Variants in ANKRD11 observed in about 807,000 individuals in gnomAD.
ANKRD11 encodes ankyrin repeat domain 11.
Under a neutral mutation model 195.7 loss-of-function variants are expected in ANKRD11, and 17 were observed. That is an observed-to-expected ratio of 0.09 (90% confidence interval 0.06 to 0.13). The LOEUF is 0.13. ANKRD11 is among the 10% of genes least tolerant of loss of function. The probability of loss-of-function intolerance (pLI) is 1.00; values close to 1 mark genes in which losing one functional copy is unlikely to be tolerated. For missense variants in ANKRD11, 3,735 were observed against 3,566.1 expected (o/e 1.05, Z -1.21); for synonymous variants, 1,953 against 1,528.1 (o/e 1.28, Z -6.49).
intron 1 of ANKRD11, among the ~76,000 whole-genome samples, chr16:89,484,663 T>TA (rs898784643): frequency 6.6e-6 from 1 of 152,220 alleles, no homozygotes; most frequent in Non-Finnish European, 1.5e-5. Context: ...TCTGATATCA[T>TA]AAAGTTATTA....
At chr16:89,372,451 C>T (rs1480787158) in intron 2 of ANKRD11, among the ~76,000 whole-genome samples, 13 of 152,124 alleles carry the variant, frequency 8.5e-5, no homozygotes, top group African/African-American at 2.9e-4. Flanking sequence ...CGGCTCAGGG[C>T]ACCAGCTGCC....
At chr16:89,314,043 G>A (rs1341636727) in intron 3 of ANKRD11, among the ~76,000 whole-genome samples, 1 of 152,180 alleles carries the variant, frequency 6.6e-6, no homozygotes, top group South Asian at 2.1e-4. Flanking sequence ...TGGCAACATG[G>A]TAAGATCTCG....
chr16:89,270,743 G>C (rs2033073766), intron 12 of ANKRD11, 74 bp downstream of exon 12: 6 of 1,465,902 alleles, frequency 4.1e-6, no homozygotes, highest in Middle Eastern at 2.4e-4. Context: ...AGCGCAAAGG[G>C]GGTTGTCACC....
At chr16:89,278,940 C>A (rs751297748) in intron 9 of ANKRD11, 132 bp downstream of exon 9, 1 of 1,415,158 alleles carries the variant, frequency 7.1e-7, no homozygotes, top group Non-Finnish European at 9.8e-7. Context: ...GCTGTGTCTC[C>A]TCAGGTGGCA....
At chr16:89,371,706 AG>A (rs548987208) in intron 2 of ANKRD11, among the ~76,000 whole-genome samples, 1 of 151,958 alleles carries the variant, frequency 6.6e-6, no homozygotes, top group South Asian at 2.1e-4. Flanking sequence ...TGGATATGAG[AG>A]GTGGTCTCGG....
intron 2 of ANKRD11, among the ~76,000 whole-genome samples, chr16:89,327,178 C>T (rs2037782385): frequency 6.6e-6 from 1 of 152,184 alleles, no homozygotes; most frequent in Non-Finnish European, 1.5e-5. Context: ...AACCATCAAT[C>T]AGTCAACGTC....
intron 1 of ANKRD11, among the ~76,000 whole-genome samples, chr16:89,456,673 T>C (rs1413733960): frequency 1.3e-5 from 2 of 151,828 alleles, no homozygotes; most frequent in East Asian, 1.9e-4. Context: ...ACATACAACA[T>C]AGATGGACTC....
At chr16:89,361,844 C>A (rs1186333282) in intron 2 of ANKRD11, among the ~76,000 whole-genome samples, 1 of 151,912 alleles carries the variant, frequency 6.6e-6, no homozygotes, top group Admixed American at 6.6e-5. Context: ...ACAAAACAAA[C>A]AAAAAAAATC....
chr16:89,320,594 T>G (rs541478476), intron 2 of ANKRD11, among the ~76,000 whole-genome samples: 15 of 152,138 alleles, frequency 9.9e-5, no homozygotes, highest in Non-Finnish European at 1.9e-4. Flanking sequence ...CTTCGTGGAC[T>G]GTCAGGGTCA....
At chr16:89,396,408 TG>T (rs536058896) in intron 2 of ANKRD11, among the ~76,000 whole-genome samples, 98 of 152,292 alleles carry the variant, frequency 6.4e-4, no homozygotes, top group African/African-American at 2.3e-3. Context: ...AGGGAAGCCC[TG>T]AGACTCCCCT....
intron 2 of ANKRD11, among the ~76,000 whole-genome samples, chr16:89,364,911 G>T (rs1017623400): frequency 1.3e-5 from 2 of 152,198 alleles, no homozygotes; most frequent in African/African-American, 4.8e-5. Flanking sequence ...ATCGAATGCT[G>T]AATACCTGTG....
At chr16:89,466,491 G>T (rs548365883) in intron 1 of ANKRD11, among the ~76,000 whole-genome samples, 34 of 152,188 alleles carry the variant, frequency 2.2e-4, no homozygotes, top group African/African-American at 7.9e-4. Flanking sequence ...TGTATTCTGT[G>T]AACCAGATCT....
At chr16:89,307,606 A>C (rs1188850602) in intron 3 of ANKRD11, among the ~76,000 whole-genome samples, 2 of 152,090 alleles carry the variant, frequency 1.3e-5, no homozygotes, top group Admixed American at 1.3e-4. Context: ...CCGGAGGGTT[A>C]ACACCCACCC....
At chr16:89,354,486 AG>A (rs921781427) in intron 2 of ANKRD11, among the ~76,000 whole-genome samples, 1 of 152,222 alleles carries the variant, frequency 6.6e-6, no homozygotes, top group Non-Finnish European at 1.5e-5. Flanking sequence ...AATGTCACAG[AG>A]GGCAGAGGGC....
In ANKRD11 at chr16:89,281,012, C is replaced by G. The variant is rs755495733; in HGVS notation, c.5530G>C (p.Ala1844Pro). ...GAGTAGTACCCTGGCGACAAGCAGG[C>G]AAACTTCTCCGCGGGAACCGGGGGC... is the stretch of plus-strand genomic sequence containing the variant. ...PLPPVPAEKFACLSPGYYSPD... is the reference protein window; with the variant it reads ...PLPPVPAEKFPCLSPGYYSPD... Residue 1844 changes from alanine to proline, a missense_variant, in exon 9 of 13, where the codon GCC (alanine) becomes CCC (proline). Transcript: ENST00000301030. The surrounding 1 kb of genome is among the most constrained non-coding windows in gnomAD (Gnocchi z 5.5). The G allele has an allele frequency of 1.9e-6, 3 of 1,586,316 alleles. No homozygotes were observed. The highest frequency in any genetic ancestry group is 2.7e-5 in the African/African-American group (2 of 73,990).
chr16:89,477,005 G>C (rs1165923208), intron 1 of ANKRD11, among the ~76,000 whole-genome samples: 1 of 152,234 alleles, frequency 6.6e-6, no homozygotes, highest in Admixed American at 6.5e-5. Context: ...GGGGAAGTGA[G>C]TGGAAGACCA....
chr16:89,352,642 G>A (rs1240104340), intron 2 of ANKRD11, among the ~76,000 whole-genome samples: 5 of 152,118 alleles, frequency 3.3e-5, no homozygotes. Context: ...AGCTCTGTCC[G>A]CTCCACTCAT....
At chr16:89,434,317 C>T (rs1305925121) in intron 1 of ANKRD11, among the ~76,000 whole-genome samples, 2 of 152,184 alleles carry the variant, frequency 1.3e-5, no homozygotes, top group African/African-American at 2.4e-5. Context: ...CCCTTCCTCA[C>T]CCAAACTCCC....
At chr16:89,365,575 T>TCTTG (rs2039909175) in intron 2 of ANKRD11, among the ~76,000 whole-genome samples, 1 of 152,248 alleles carries the variant, frequency 6.6e-6, no homozygotes, top group Non-Finnish European at 1.5e-5. Context: ...AGCTCTTATG[T>TCTTG]CTTGTGTATG....
Sources: allele counts gnomAD v4.1 joint callset (sites outside exome capture counted in the v4.1 genomes callset), GRCh38; gene constraint gnomAD v4.1.1; non-coding constraint Gnocchi (gnomAD v3.1); transcripts MANE v1.5; gene names NCBI Gene and HGNC (gene_info 2026-07-23, HGNC 2026-07-21).